NECTIN3: variants seen among roughly 807,000 people sequenced by gnomAD.
NECTIN3 encodes the protein nectin cell adhesion molecule 3.
NECTIN3 carries 8 observed loss-of-function variants against 49.4 expected under a neutral mutation model. That is an observed-to-expected ratio of 0.16 (90% CI 0.10 to 0.29). The LOEUF is 0.29. Ranked by LOEUF, NECTIN3 falls within the 10% of genes least tolerant of loss-of-function variation. The probability of loss-of-function intolerance (pLI) is 1.00; values close to 1 mark genes in which losing one functional copy is unlikely to be tolerated. For synonymous variants in NECTIN3, 277 were observed against 241.1 expected (o/e 1.15, Z -1.38); for missense variants, 581 against 654.6 (o/e 0.89, Z 1.23).
intron 7 of NECTIN3, among the ~76,000 whole-genome samples, chr3:111,163,977 GAA>G (rs760898538): frequency 3.1e-5 from 3 of 96,578 alleles, no homozygotes. Flanking sequence ...AAGTAAATCT[GAA>G]AAAAAAAAAA....
chr3:111,086,387 C>T lies in NECTIN3; in HGVS notation c.160+14210C>T, dbSNP rs948375166. Among the ~76,000 whole-genome samples, 16 of 152,040 alleles carry T rather than the reference C, an allele frequency of 1.1e-4. No homozygotes were observed. The South Asian group carries it at 1.5e-3, about 14-fold the overall frequency. ...AGTACACCATCATGAAATTTTTTCC[C>T]GCTAGAATCTTTATTATTTGCCTTT... On this transcript the variant is annotated intron_variant, in intron 1 of 5. Transcript: ENST00000485303.
At chr3:111,153,235 G>T in intron 7 of NECTIN3, among the ~76,000 whole-genome samples, 1 of 151,918 alleles carries the variant, frequency 6.6e-6, no homozygotes, top group East Asian at 1.9e-4. Context: ...TGAAAGAATT[G>T]TGGGGCTTTA....
chr3:111,159,279 G>A lies in NECTIN3; in HGVS notation c.1221+11795G>A, dbSNP rs77252187. Among the ~76,000 whole-genome samples the A allele has an allele frequency of 3.3e-3, 500 of 151,940 alleles. 4 individuals carry two copies. Among genetic ancestry groups the A allele is most frequent in the African/African-American group, 1.0e-2 (413 of 41,448 alleles). On this transcript the variant is annotated intron_variant, in intron 7 of 8. Transcript: ENST00000493615. Reference sequence around the variant, plus strand: ...GTCCAAACACCAATATTGTCCTGAGGGAATATTCCTTTACTTCCACTCCCA... The same window carrying A: ...GTCCAAACACCAATATTGTCCTGAGAGAATATTCCTTTACTTCCACTCCCA...
intron 6 of NECTIN3, among the ~76,000 whole-genome samples, chr3:111,145,424 A>G (rs1576160462): frequency 6.6e-6 from 1 of 152,226 alleles, no homozygotes; most frequent in Non-Finnish European, 1.5e-5. Flanking sequence ...TGCATGTCTT[A>G]TGTATAGATA....
intron 2 of NECTIN3, among the ~76,000 whole-genome samples, chr3:111,113,982 C>CTAAATAAA (rs545454977): frequency 9.9e-5 from 15 of 151,950 alleles, no homozygotes; most frequent in South Asian, 2.1e-4. Flanking sequence ...GACTGTGTCT[C>CTAAATAAA]TAAATAAATA....
intron 6 of NECTIN3, among the ~76,000 whole-genome samples, chr3:111,145,578 G>A (rs1217454953): frequency 3.3e-5 from 5 of 152,140 alleles, no homozygotes; most frequent in Middle Eastern, 3.2e-3. Context: ...AGATAGAGTT[G>A]TAAGGCAGAA....
At chr3:111,074,395 C>T (rs753317523) in intron 1 of NECTIN3, 59 of 343,894 alleles carry the variant, frequency 1.7e-4, no homozygotes, top group Non-Finnish European at 2.9e-4. Context: ...GATTTTTAAG[C>T]TTTAAAAATA....
At position 111,103,041 on chromosome 3, in the gene NECTIN3, G is replaced by T. The variant is rs1047409742; in HGVS notation, c.161-8989G>T. Among the ~76,000 whole-genome samples the T allele has an allele frequency of 8.5e-5, 13 of 152,198 alleles. No individual in the cohort carries two copies. The East Asian group carries it at 2.5e-3, about 29-fold the overall frequency. ...TCTTTAGCCAATACCACGTGGTCTT[G>T]ATCACAGTAACTTTATGTTAAGTCT... is the stretch of plus-strand genomic sequence containing the variant. On this transcript the variant is annotated intron_variant, in intron 1 of 5. Coordinates refer to ENST00000485303, the MANE Select transcript of NECTIN3 (RefSeq NM_015480.3).
chr3:111,082,868 G>T (rs1484853867), intron 1 of NECTIN3, among the ~76,000 whole-genome samples: 2 of 152,206 alleles, frequency 1.3e-5, no homozygotes, highest in African/African-American at 2.4e-5. Flanking sequence ...TGGGGGTGAT[G>T]GGAGATAGTG....
rs1455307107 is a variant in NECTIN3 at position 111,135,415 on chromosome 3, A to G, written c.*1200A>G. ...TGTTTTTGTTTTTTTACATAATTACATATATTCCTTCTGAATCATTTATCT... is the reference window on the plus strand; with the variant it reads ...TGTTTTTGTTTTTTTACATAATTACGTATATTCCTTCTGAATCATTTATCT... On this transcript the variant is annotated 3_prime_UTR_variant, in exon 6 of 6. Coordinates refer to ENST00000485303, the MANE Select transcript of NECTIN3 (RefSeq NM_015480.3). 6 of 930,822 alleles carry G rather than the reference A, an allele frequency of 6.4e-6. No individual in the cohort carries two copies. The highest frequency in any genetic ancestry group is 7.7e-6 in the Non-Finnish European group (6 of 780,626). The allele number at this position is 930,822 out of a possible 1,614,324, so 57.7% of individuals were successfully genotyped here.
At chr3:111,158,637 G>A (rs182895936) in intron 7 of NECTIN3, among the ~76,000 whole-genome samples, 2 of 152,072 alleles carry the variant, frequency 1.3e-5, no homozygotes, top group Non-Finnish European at 2.9e-5. Context: ...ATTTCCCATT[G>A]AGATATGAAC....
Position 111,133,788 on chromosome 3 carries a change from G to T in NECTIN3, c.1223G>T (p.Ser408Ile). Residue 408 changes from serine (S) to isoleucine (I), a missense_variant, in exon 6 of 6, where the codon AGT becomes ATT. By Grantham distance (142) the Ser-to-Ile change is moderately radical. Coordinates refer to ENST00000485303, the MANE Select transcript of NECTIN3 (RefSeq NM_015480.3). ...KDDTIATIIA[S>I]VVGGALFIVL... The stretch of plus-strand genomic sequence containing the variant: ...GACACAATTGCCACGATCATTGCTA[G>T]TGTAGTGGGTGGGGCTCTCTTCATA... 1 of 1,614,022 alleles carries T rather than the reference G, an allele frequency of 6.2e-7. No homozygotes were observed. The highest frequency in any genetic ancestry group is 2.2e-5 in the East Asian group (1 of 44,880).
rs1183274061 is a variant in NECTIN3, at chr3:111,133,942, A to G, written c.1377A>G (p.Gln459=). 1.2e-6 allele frequency: 2 copies of G among 1,613,906 alleles called. No individual in the cohort carries two copies. The highest frequency in any genetic ancestry group is 1.7e-6 in the Non-Finnish European group (2 of 1,179,878). The part of the protein sequence containing the change: ...MQKESQIDVL[Q]QDELDSYPDS... ...AAGAATCACAAATAGATGTTCTTCA[A>G]CAAGATGAGCTTGATTCTTACCCAG... Residue 459 remains glutamine (Q), a synonymous_variant, in exon 6 of 6, where the codon CAA becomes CAG. Transcript: ENST00000485303.
chr3:111,154,119 C>T (rs781650984), intron 7 of NECTIN3, among the ~76,000 whole-genome samples: 24 of 152,184 alleles, frequency 1.6e-4, no homozygotes, highest in Non-Finnish European at 2.6e-4. Context: ...TGTACATATC[C>T]GTCATTTCCA....
In NECTIN3 at chr3:111,118,248, CTATATATATATATATATATATA is replaced by C. The variant is rs34878535; in HGVS notation, c.503-394_503-373del. Among the ~76,000 whole-genome samples, 37 of 78,002 alleles carry C rather than the reference CTATATATATATATATATATATA, an allele frequency of 4.7e-4. 1 individual carries two copies. The highest frequency in any genetic ancestry group is 7.2e-4 in the Non-Finnish European group (28 of 38,788). 51.2% of individuals were successfully genotyped at this position (78,002 alleles called of 152,430 possible). ...AAAATTTTTTTACTGTAAAATGAAG[CTATATATATATATATATATATA>C]TATATATATATATTATACATATATA... On this transcript the variant is annotated intron_variant, in intron 2 of 5. Coordinates refer to ENST00000485303, the MANE Select transcript of NECTIN3 (RefSeq NM_015480.3).
intron 5 of NECTIN3, among the ~76,000 whole-genome samples, chr3:111,129,948 C>A (rs2034320883): frequency 6.7e-6 from 1 of 148,600 alleles, no homozygotes; most frequent in East Asian, 2.0e-4. Context: ...CTGCGCCCAG[C>A]AGAGAATTTT....
intron 7 of NECTIN3, among the ~76,000 whole-genome samples, chr3:111,175,646 C>A (rs1045431600): frequency 6.6e-6 from 1 of 152,146 alleles, no homozygotes; most frequent in East Asian, 1.9e-4. Flanking sequence ...CTCATAGACA[C>A]AGAACCACAA....
At chr3:111,166,913 ATAGGTAGG>A (rs367945964) in intron 7 of NECTIN3, among the ~76,000 whole-genome samples, 6 of 152,184 alleles carry the variant, frequency 3.9e-5, no homozygotes, top group Non-Finnish European at 7.4e-5. Flanking sequence ...TTTAATAAAG[ATAGGTAGG>A]TAGGTAGGTA....
At chr3:111,079,604 A>AAGAAGGCATATAGCTAAC (rs1368660513) in intron 1 of NECTIN3, among the ~76,000 whole-genome samples, 1 of 151,788 alleles carries the variant, frequency 6.6e-6, no homozygotes, top group African/African-American at 2.4e-5. Flanking sequence ...AATCAAGTGG[A>AAGAAGGCATATAGCTAAC]AGAAGGCATA....
Sources: allele counts gnomAD v4.1 joint callset (sites outside exome capture counted in the v4.1 genomes callset), GRCh38; gene constraint gnomAD v4.1.1; transcripts MANE v1.5; gene names NCBI Gene and HGNC (gene_info 2026-07-23, HGNC 2026-07-21).